Variants in NHSL1 observed in about 807,000 individuals in gnomAD.
The protein encoded by NHSL1 is NHS like 1.
Under a neutral mutation model 95.0 loss-of-function variants are expected in NHSL1, and 48 were observed. That is an observed-to-expected ratio of 0.51 (90% CI 0.40 to 0.64). NHSL1 has a LOEUF of 0.64. Among genes scored for constraint, NHSL1 ranks in the 30% least tolerant of loss-of-function variants. The probability of loss-of-function intolerance (pLI) is 0.00; values close to 1 mark genes in which losing one functional copy is unlikely to be tolerated. For synonymous variants in NHSL1, 783 were observed against 833.9 expected (o/e 0.94, Z 1.05); for missense variants, 1,971 against 2,077.7 (o/e 0.95, Z 1.00).
At chr6:138,638,609 GA>G (rs1489599566) in intron 1 of NHSL1, among the ~76,000 whole-genome samples, 1 of 151,950 alleles carries the variant, frequency 6.6e-6, no homozygotes, top group Non-Finnish European at 1.5e-5. Flanking sequence ...AAAAGAAAAA[GA>G]AAAAAAGAAA....
At chr6:138,654,374 C>T (rs73566690) in intron 1 of NHSL1, among the ~76,000 whole-genome samples, 14,866 of 152,040 alleles carry the variant, frequency 0.098, 896 homozygotes, top group African/African-American at 0.17. Flanking sequence ...GAGAGTGATT[C>T]GAGAGCATCA....
intron 1 of NHSL1, among the ~76,000 whole-genome samples, chr6:138,530,422 T>C (rs188718824): frequency 6.6e-4 from 100 of 152,304 alleles, no homozygotes; most frequent in Non-Finnish European, 1.3e-3. Flanking sequence ...AATACCACTA[T>C]TGGATATCTA....
chr6:138,652,942 CT>C (rs1785111671), intron 1 of NHSL1, among the ~76,000 whole-genome samples: 1 of 152,146 alleles, frequency 6.6e-6, no homozygotes, highest in East Asian at 1.9e-4. Context: ...TTGAGGTTAG[CT>C]AAATAGTCTA....
chr6:138,533,012 C>T (rs1400008354), intron 1 of NHSL1, among the ~76,000 whole-genome samples: 1 of 152,094 alleles, frequency 6.6e-6, no homozygotes, highest in African/African-American at 2.4e-5. Flanking sequence ...AATTACTCAA[C>T]AGATTAACAG....
chr6:138,446,802 C>G (rs1776890956), intron 4 of NHSL1, 199 bp downstream of exon 4: 5 of 576,746 alleles, frequency 8.7e-6, no homozygotes, highest in Non-Finnish European at 1.5e-5. Flanking sequence ...GCGACATAGT[C>G]TTCGAACCCA....
At chr6:138,637,925 T>C (rs79642500) in intron 1 of NHSL1, among the ~76,000 whole-genome samples, 2,418 of 152,328 alleles carry the variant, frequency 0.016, 85 homozygotes, top group African/African-American at 0.055. Context: ...ATATCTGCCA[T>C]ATTTGTTGCA....
intron 2 of NHSL1, among the ~76,000 whole-genome samples, chr6:138,486,138 T>C (rs1304068398): frequency 6.6e-6 from 1 of 152,144 alleles, no homozygotes. Context: ...TCTCTTTCCA[T>C]ATCTGTAATC....
intron 4 of NHSL1, among the ~76,000 whole-genome samples, chr6:138,444,985 A>C (rs993875703): frequency 3.3e-5 from 5 of 152,138 alleles, no homozygotes; most frequent in African/African-American, 1.2e-4. Context: ...CTCTTTCTTT[A>C]TTGTCATTCA....
intron 3 of NHSL1, 58 bp from the exon 4 acceptor site, chr6:138,447,251 A>AAAAATAAG: frequency 7.3e-7 from 1 of 1,366,704 alleles, no homozygotes. Context: ...GAAACATTTT[A>AAAAATAAG]AAATATATTT....
chr6:138,583,893 G>C (rs989288026), intron 1 of NHSL1, among the ~76,000 whole-genome samples: 1 of 152,124 alleles, frequency 6.6e-6, no homozygotes, highest in African/African-American at 2.4e-5. Flanking sequence ...GAGGCCAGGA[G>C]TAGGAGAGCA....
chr6:138,486,270 T>C (rs911996729), intron 2 of NHSL1, among the ~76,000 whole-genome samples: 22 of 152,210 alleles, frequency 1.4e-4, no homozygotes, highest in Non-Finnish European at 4.4e-5. Flanking sequence ...CTTCCCTCTC[T>C]GTTCTGTTGG....
intron 1 of NHSL1, among the ~76,000 whole-genome samples, chr6:138,515,044 A>T (rs1228201001): frequency 6.6e-6 from 1 of 152,154 alleles, no homozygotes; most frequent in African/African-American, 2.4e-5. Context: ...ACTGTGACTG[A>T]CGGGCAGGCA....
Position 138,424,137 on chromosome 6 carries a change from C to A in NHSL1, c.4765G>T (p.Ala1589Ser). 7.0e-7 allele frequency: 1 copy of A among 1,436,966 alleles called. No individual in the cohort carries two copies. Among genetic ancestry groups the A allele is most frequent in the Non-Finnish European group, 9.1e-7 (1 of 1,097,696 alleles). 89.0% of individuals were successfully genotyped at this position (1,436,966 alleles called of 1,614,324 possible). The change falls in exon 8 of 8, where the codon GCA becomes TCA. Residue 1589 changes from alanine to serine, a missense_variant. By Grantham distance (99) the Ala-to-Ser change is moderately conservative. This residue lies in a region of NHSL1 where 223 missense variants were observed against 217.0 expected (regional missense o/e 1.03). Coordinates refer to ENST00000343505, the MANE Select transcript of NHSL1 (RefSeq NM_001144060.2). The surrounding 1 kb of genome is among the most constrained non-coding windows in gnomAD (Gnocchi z 5.9). ...APGPVDGTAS[A>S]EGREPSPQCG... The stretch of plus-strand genomic sequence containing the variant: ...TGTGGGGAGGGCTCTCTGCCCTCTG[C>A]ACTGGCTGTCCCATCCACAGGGCCG...
chr6:138,453,134 C>G (rs1274810240), intron 3 of NHSL1, among the ~76,000 whole-genome samples: 5 of 151,888 alleles, frequency 3.3e-5, no homozygotes, highest in African/African-American at 9.7e-5. Flanking sequence ...GCCACCATGC[C>G]TGGCTAATTT....
At chr6:138,552,625 T>C (rs920359308) in intron 1 of NHSL1, among the ~76,000 whole-genome samples, 1 of 152,148 alleles carries the variant, frequency 6.6e-6, no homozygotes, top group East Asian at 1.9e-4. Flanking sequence ...GATTTTTCTC[T>C]TTTTTTGTAA....
In NHSL1 at chr6:138,442,002, G is replaced by T. The variant is rs1316749536; in HGVS notation, c.645C>A (p.Asp215Glu). 21 of 1,551,126 alleles carry T rather than the reference G, an allele frequency of 1.4e-5. No homozygotes were observed. The South Asian group carries it at 2.1e-4, about 16-fold the overall frequency. ...KRRKTITGVP[D>E]NIQKELASGT... ...CCATACCTAGCTCCTTCTGTATGTT[G>T]TCAGGGACTCCTGTAATAGTCTTTC... is the stretch of plus-strand genomic sequence containing the variant. Residue 215 changes from aspartate (D) to glutamate (E), a missense_variant, in exon 5 of 8, where the codon GAC (aspartate) becomes GAA (glutamate). Physicochemically the swap from Asp to Glu is conservative, Grantham distance 45. Transcript: ENST00000343505.
chr6:138,497,124 A>T (rs1051148570), intron 1 of NHSL1, among the ~76,000 whole-genome samples: 1 of 152,236 alleles, frequency 6.6e-6, no homozygotes, highest in African/African-American at 2.4e-5. Context: ...CCTGAGAGTA[A>T]GATAAATCTC....
chr6:138,639,677 G>A (rs1328755507), intron 1 of NHSL1, among the ~76,000 whole-genome samples: 9 of 150,556 alleles, frequency 6.0e-5, no homozygotes, highest in Admixed American at 5.3e-4. Flanking sequence ...GTGGTGGCAC[G>A]CACTTGTAGT....
rs1303956963 is a variant in NHSL1, at chr6:138,626,843, G to A, written c.96+65633C>T. On this transcript the variant is annotated intron_variant, in intron 1 of 3. Transcript: ENST00000491526. ...CGGGAGGCGGAGCTTGCAGTGAGCC[G>A]AGATCCCGCCACTGCACTCCAGCCT... 2.3e-4 allele frequency among the ~76,000 whole-genome samples: 24 copies of A among 103,280 alleles called. 3 individuals are homozygous for A. The highest frequency in any genetic ancestry group is 1.1e-3 in the African/African-American group (23 of 20,648). 67.8% of individuals were successfully genotyped at this position (103,280 alleles called of 152,430 possible). A position where few individuals can be genotyped will look rare whatever the true frequency, so the allele number is the denominator to read the frequency against.
Sources: allele counts gnomAD v4.1 joint callset (sites outside exome capture counted in the v4.1 genomes callset), GRCh38; gene constraint gnomAD v4.1.1; regional missense constraint gnomAD v4.1.1; non-coding constraint Gnocchi (gnomAD v3.1); transcripts MANE v1.5; gene names NCBI Gene and HGNC (gene_info 2026-07-23, HGNC 2026-07-21).